The following SKIC3 variants were observed in gnomAD, a reference collection of about 807,000 sequenced individuals.
SKIC3 encodes superkiller complex protein 3.
At chr5:95,543,404 A>G in the SKIC3 span, 1 of 1,506,564 alleles carries the variant, frequency 6.6e-7, no homozygotes, top group Non-Finnish European at 9.2e-7. Flanking sequence ...AAAGTCTAGC[A>G]TGAGTCAGGA....
chr5:95,479,675 TTG>T, the SKIC3 span, among the ~76,000 whole-genome samples: 4,332 of 143,802 alleles, frequency 0.03, 125 homozygotes, highest in African/African-American at 0.076. Context: ...GGAAAAAACA[TTG>T]TGTGTGTGTG....
At chr5:95,520,711 C>G in the SKIC3 span, 1 of 1,601,140 alleles carries the variant, frequency 6.2e-7, no homozygotes, top group African/African-American at 1.3e-5. Context: ...AAGAATAATA[C>G]GAACCAAGTA....
At chr5:95,549,695 A>C in the SKIC3 span, among the ~76,000 whole-genome samples, 1 of 152,020 alleles carries the variant, frequency 6.6e-6, no homozygotes, top group Non-Finnish European at 1.5e-5. Context: ...TTGTAAAAAG[A>C]CAAAATAATC....
chr5:95,464,924 CTTTTTT>C, the SKIC3 span, among the ~76,000 whole-genome samples: 10 of 106,994 alleles, frequency 9.3e-5, no homozygotes, highest in African/African-American at 3.8e-4. Flanking sequence ...ATTCTGATTG[CTTTTTT>C]TTTTTTTTTT....
chr5:95,520,809 T>C, the SKIC3 span: 1 of 1,610,226 alleles, frequency 6.2e-7, no homozygotes, highest in Non-Finnish European at 8.5e-7. Context: ...AAGATGGCAT[T>C]CACCCAAACC....
the SKIC3 span, among the ~76,000 whole-genome samples, chr5:95,536,254 T>C: frequency 1.3e-5 from 2 of 152,194 alleles, no homozygotes; most frequent in East Asian, 3.8e-4. Flanking sequence ...AAAAGGAGAT[T>C]CAGGAATTTA....
At chr5:95,528,245 C>A in the SKIC3 span, 9 of 1,483,636 alleles carry the variant, frequency 6.1e-6, no homozygotes, top group South Asian at 4.6e-5. Flanking sequence ...ATTGCAGATA[C>A]AATAAGCATA....
the SKIC3 span, chr5:95,504,086 T>TGGGGGGGGGG: frequency 1.6e-4 from 1 of 6,078 alleles, no homozygotes; most frequent in Admixed American, 1.8e-3. Context: ...AGGCGGGGGG[T>TGGGGGGGGGG]GGGGGTGGGG....
At chr5:95,504,454 C>T in the SKIC3 span, among the ~76,000 whole-genome samples, 1 of 151,690 alleles carries the variant, frequency 6.6e-6, no homozygotes, top group Admixed American at 6.6e-5. Context: ...AATTAAAATC[C>T]CAAATTATAA....
At chr5:95,525,609 C>T in the SKIC3 span, 97 of 1,613,902 alleles carry the variant, frequency 6.0e-5, no homozygotes, top group Non-Finnish European at 7.9e-5. Context: ...ATCAAATGAA[C>T]CTTTGTTCCG....
chr5:95,516,820 GTT>G, the SKIC3 span: 1 of 1,574,598 alleles, frequency 6.4e-7, no homozygotes, highest in African/African-American at 1.4e-5. Flanking sequence ...GATATATGTG[GTT>G]TTATGTGAAA....
the SKIC3 span, among the ~76,000 whole-genome samples, chr5:95,550,968 AAAG>A: frequency 1.3e-5 from 2 of 152,124 alleles, no homozygotes. Flanking sequence ...AAATAGAGCC[AAAG>A]AAGAATATCT....
the SKIC3 span, chr5:95,495,086 G>T: frequency 6.7e-7 from 1 of 1,484,324 alleles, no homozygotes; most frequent in South Asian, 1.1e-5. Context: ...AATTAAGATT[G>T]ATAAGACCTT....
At chr5:95,550,763 A>G in the SKIC3 span, 1 of 152,522 alleles carries the variant, frequency 6.6e-6, no homozygotes, top group Admixed American at 6.6e-5. Context: ...AATTTAAAAC[A>G]TGAGAAATAA....
chr5:95,545,378 C>T, the SKIC3 span, among the ~76,000 whole-genome samples: 1 of 152,144 alleles, frequency 6.6e-6, no homozygotes, highest in African/African-American at 2.4e-5. Context: ...TACCTGTTTA[C>T]TCCTTAGACT....
chr5:95,484,866 T>C, the SKIC3 span: 1 of 1,612,406 alleles, frequency 6.2e-7, no homozygotes, highest in South Asian at 1.1e-5. Flanking sequence ...AAAATGTCAA[T>C]GTTACTTTCT....
At chr5:95,470,800 C>T in the SKIC3 span, among the ~76,000 whole-genome samples, 1 of 151,602 alleles carries the variant, frequency 6.6e-6, no homozygotes, top group East Asian at 1.9e-4. Context: ...ATATTAGGTA[C>T]TGACTCAGAA....
the SKIC3 span, among the ~76,000 whole-genome samples, chr5:95,553,748 G>A: frequency 6.6e-6 from 1 of 152,030 alleles, no homozygotes; most frequent in Admixed American, 6.6e-5. Context: ...TCGTAGAGAC[G>A]GGGTTTCACC....
At chr5:95,536,161 CCAAA>C in the SKIC3 span, among the ~76,000 whole-genome samples, 4 of 152,214 alleles carry the variant, frequency 2.6e-5, no homozygotes, top group South Asian at 4.2e-4. Flanking sequence ...TCTCTTCCTC[CCAAA>C]CAAAGTACAT....
Sources: gnomAD v4.1 joint callset for allele counts (sites outside exome capture counted in the v4.1 genomes callset) on GRCh38, gnomAD v4.1.1 for gene constraint, MANE v1.5 for transcripts, NCBI Gene and HGNC (gene_info 2026-07-23, HGNC 2026-07-21) for gene names.